The following RASSF4 variants were observed in gnomAD, a reference collection of about 807,000 sequenced individuals.
RASSF4 encodes the protein ras association domain-containing protein 4.
In RASSF4, 38 loss-of-function variants were observed where a neutral mutation model predicts 41.1. The ratio of observed to expected loss-of-function variants is 0.92; its 90% CI spans 0.71 to 1.21. RASSF4 has a LOEUF of 1.21. Ranked by LOEUF, RASSF4 falls within the 50% of genes most tolerant of loss-of-function variation. RASSF4 has a pLI of 0.00. For missense variants in RASSF4, 414 were observed against 419.4 expected, an observed-to-expected ratio of 0.99 and a Z score of 0.11; for synonymous variants, 179 against 163.4, an observed-to-expected ratio of 1.10 and a Z score of -0.73.
intron 6 of RASSF4, among the ~76,000 whole-genome samples, chr10:44,985,222 C>T (rs1001860091): frequency 2.6e-5 from 4 of 152,246 alleles, no homozygotes; most frequent in Non-Finnish European, 4.4e-5. Flanking sequence ...CAGACAGTAA[C>T]GCTGACCGTG....
At chr10:44,975,592 C>T (rs12780363) in intron 3 of RASSF4, among the ~76,000 whole-genome samples, 7,503 of 136,212 alleles carry the variant, frequency 0.055, 346 homozygotes, top group Non-Finnish European at 0.078. Context: ...ACTCTCCCCA[C>T]CCCCACCCCA....
At chr10:44,974,204 C>T (rs1243287014) in intron 3 of RASSF4, among the ~76,000 whole-genome samples, 1 of 152,248 alleles carries the variant, frequency 6.6e-6, no homozygotes, top group Non-Finnish European at 1.5e-5. Context: ...GCAGGGCCAT[C>T]CCAGGCCAGT....
intron 1 of RASSF4, among the ~76,000 whole-genome samples, chr10:44,964,106 C>T (rs1368534851): frequency 1.3e-5 from 2 of 152,268 alleles, no homozygotes; most frequent in African/African-American, 4.8e-5. Context: ...CCATGCCTAG[C>T]AGCTCTAAAG....
At chr10:44,966,158 A>G (rs180744279) in intron 1 of RASSF4, among the ~76,000 whole-genome samples, 97 of 152,210 alleles carry the variant, frequency 6.4e-4, no homozygotes, top group Non-Finnish European at 1.2e-3. Flanking sequence ...TGTTGTACAG[A>G]TGGGAAAATT....
intron 5 of RASSF4, 49 bp downstream of exon 5, chr10:44,984,162 G>A (rs1841829482): frequency 1.3e-6 from 2 of 1,506,288 alleles, no homozygotes; most frequent in Admixed American, 2.1e-5. Context: ...TCCGGGGTAG[G>A]AGCAGAGGGG....
At position 44,989,735 on chromosome 10, in the gene RASSF4, C is replaced by G; in HGVS notation, c.685+14C>G. ...ACGAGTCTGGGGGTAAGTACCTGCC[C>G]CACTTCTGGATCGTAAAAGCAAAAG... On this transcript the variant is annotated intron_variant, in intron 8 of 10. Coordinates refer to ENST00000340258, the MANE Select transcript of RASSF4 (RefSeq NM_032023.4). 1 of 1,613,168 alleles carries G rather than the reference C, an allele frequency of 6.2e-7. No homozygotes were observed. The highest frequency in any genetic ancestry group is 8.5e-7 in the Non-Finnish European group (1 of 1,179,128).
Position 44,970,841 on chromosome 10 carries a change from G to A in RASSF4, c.62+577G>A, listed in dbSNP as rs895597230. 2.6e-5 allele frequency: 4 copies of A among 155,172 alleles called. No individual in the cohort carries two copies. The East Asian group carries it at 7.7e-4, about 30-fold the overall frequency. The allele number at this position is 155,172 out of a possible 1,614,324, so 9.6% of individuals were successfully genotyped here. ...CAGGCACTTCACATGGCGAAAGCAG[G>A]AGCAAGAGAGAGGGAGTGGAGGGTG... is the stretch of plus-strand genomic sequence containing the variant. On this transcript the variant is annotated intron_variant, in intron 2 of 10. Transcript: ENST00000340258.
chr10:44,975,479 C>T (rs1359017821), intron 3 of RASSF4, among the ~76,000 whole-genome samples: 3 of 126,326 alleles, frequency 2.4e-5, no homozygotes, highest in African/African-American at 9.0e-5. Flanking sequence ...CCCCCACCCC[C>T]ACTTCCCTCT....
intron 9 of RASSF4, 123 bp downstream of exon 9, chr10:44,991,192 C>T: frequency 1.1e-6 from 1 of 887,186 alleles, no homozygotes. Flanking sequence ...CCACACTCTC[C>T]CAAAGGGCTC....
intron 4 of RASSF4, 33 bp downstream of exon 4, chr10:44,982,696 C>T: frequency 1.2e-6 from 2 of 1,603,498 alleles, no homozygotes; most frequent in Non-Finnish European, 8.5e-7. Flanking sequence ...GACACCTGCT[C>T]AGCCTGAGCT....
At chr10:44,984,782 C>G (rs138837221) in intron 5 of RASSF4, 31 bp from the exon 6 acceptor site, 29,262 of 1,609,210 alleles carry the variant, frequency 0.018, 345 homozygotes, top group Non-Finnish European at 0.021. Context: ...CATCACCCAC[C>G]CTGCCATTCT....
At chr10:44,977,369 C>T (rs780815011) in intron 3 of RASSF4, 4 of 1,546,204 alleles carry the variant, frequency 2.6e-6, no homozygotes, top group Non-Finnish European at 3.5e-6. Flanking sequence ...ATGCTCTCTA[C>T]AGAAGCCTTT....
chr10:44,984,724 G>A, intron 5 of RASSF4, 89 bp from the exon 6 acceptor site: 1 of 1,459,322 alleles, frequency 6.9e-7, no homozygotes, highest in Non-Finnish European at 9.5e-7. Context: ...CGTGACCACA[G>A]GGCTCTAGGG....
chr10:44,991,613 C>T (rs1185942949), intron 9 of RASSF4, among the ~76,000 whole-genome samples: 1 of 152,222 alleles, frequency 6.6e-6, no homozygotes, highest in African/African-American at 2.4e-5. Flanking sequence ...ACCTCCCTAC[C>T]CCCTAGCCCA....
intron 1 of RASSF4, among the ~76,000 whole-genome samples, chr10:44,965,614 G>T (rs548755408): frequency 6.6e-6 from 1 of 152,184 alleles, no homozygotes; most frequent in Non-Finnish European, 1.5e-5. Context: ...TGGAGCCAAG[G>T]TTCCCACCCT....
chr10:44,960,280 G>C (rs913470766), intron 1 of RASSF4, among the ~76,000 whole-genome samples: 1 of 152,218 alleles, frequency 6.6e-6, no homozygotes, highest in African/African-American at 2.4e-5. Flanking sequence ...CACAATCGCT[G>C]TCTGTAGAGG....
intron 2 of RASSF4, 89 bp downstream of exon 2, chr10:44,970,353 G>A: frequency 2.8e-6 from 3 of 1,090,192 alleles, no homozygotes; most frequent in South Asian, 1.3e-5. Flanking sequence ...GGGGTTCTGA[G>A]CACTTGTTCA....
chr10:44,991,523 C>T (rs1842112836), intron 9 of RASSF4, among the ~76,000 whole-genome samples: 1 of 152,218 alleles, frequency 6.6e-6, no homozygotes, highest in South Asian at 2.1e-4. Context: ...AGGGTTTGAA[C>T]CTCAAGTAGG....
rs1355163678 is a variant in RASSF4, at chr10:44,994,733, T to C, written c.*1404T>C. 1.3e-5 allele frequency: 2 copies of C among 150,138 alleles called. No individual in the cohort carries two copies. Among genetic ancestry groups the C allele is most frequent in the African/African-American group, 4.8e-5 (2 of 41,290 alleles). The allele number at this position is 150,138 out of a possible 1,614,324, so 9.3% of individuals were successfully genotyped here. The stretch of plus-strand genomic sequence containing the variant: ...AACTGAAGAAGTGAGAACCAAGCTT[T>C]TTTTTTTTTTTTTGCTTTCTGTGCA... On this transcript the variant is annotated 3_prime_UTR_variant, in exon 11 of 11. Transcript: ENST00000340258.
Sources: allele counts gnomAD v4.1 joint callset (sites outside exome capture counted in the v4.1 genomes callset), GRCh38; gene constraint gnomAD v4.1.1; transcripts MANE v1.5; gene names NCBI Gene and HGNC (gene_info 2026-07-23, HGNC 2026-07-21).